ENKUR: variants seen among roughly 807,000 people sequenced by gnomAD.
ENKUR encodes the protein enkurin.
Under a neutral mutation model 27.6 loss-of-function variants are expected in ENKUR, and 19 were observed. The ratio of observed to expected loss-of-function variants is 0.69; its 90% CI spans 0.48 to 1.01. The LOEUF (loss-of-function observed/expected upper bound fraction) is 1.01, where lower values mean the gene tolerates loss of function less well. Ranked by LOEUF, ENKUR falls within the 50% of genes least tolerant of loss-of-function variation. The pLI, the probability that ENKUR is intolerant of heterozygous loss-of-function variation, is 0.00. For synonymous variants in ENKUR, 117 were observed against 96.9 expected, an observed-to-expected ratio of 1.21 and a Z score of -1.22; for missense variants, 312 against 310.5, an observed-to-expected ratio of 1.00 and a Z score of -0.04.
upstream of ENKUR, chr10:25,016,853 C>T (rs1011446326): frequency 9.2e-5 from 14 of 152,682 alleles, no homozygotes; most frequent in Non-Finnish European, 2.0e-4. Flanking sequence ...GCATGCCTTT[C>T]CCCGTACCGT....
chr10:25,007,557 C>A (rs887903380), intron 1 of ENKUR, among the ~76,000 whole-genome samples: 2 of 152,302 alleles, frequency 1.3e-5, no homozygotes, highest in South Asian at 2.1e-4. Flanking sequence ...GCCTCAGCCT[C>A]CAGAGTAGCT....
chr10:24,993,636 A>T (rs1340819036), intron 3 of ENKUR, among the ~76,000 whole-genome samples: 1 of 152,238 alleles, frequency 6.6e-6, no homozygotes, highest in Non-Finnish European at 1.5e-5. Flanking sequence ...AGATCTTTAA[A>T]ACTTAACTCT....
chr10:25,007,316 A>G (rs1236872080), intron 1 of ENKUR, among the ~76,000 whole-genome samples: 4 of 152,304 alleles, frequency 2.6e-5, no homozygotes, highest in Non-Finnish European at 2.9e-5. Flanking sequence ...TTTAAGGAGT[A>G]TTGTTGTCAT....
At chr10:25,024,632 C>T (rs764730530) in intron 2 of ENKUR, 1 of 1,614,236 alleles carries the variant, frequency 6.2e-7, no homozygotes. Context: ...TCGGCTAACT[C>T]CATAAACTGG....
intron 2 of ENKUR, chr10:25,025,697 C>G: frequency 2.2e-6 from 1 of 464,944 alleles, no homozygotes; most frequent in Non-Finnish European, 3.9e-6. Context: ...CTTTTGCCTT[C>G]TGCTCATGAG....
intron 3 of ENKUR, 43 bp downstream of exon 3, chr10:24,995,603 T>G: frequency 6.7e-7 from 1 of 1,493,772 alleles, no homozygotes. Context: ...CATATTTAAA[T>G]TATTTGAATT....
At chr10:25,027,376 A>AAC (rs1850875463) in intron 2 of ENKUR, among the ~76,000 whole-genome samples, 1 of 145,898 alleles carries the variant, frequency 6.9e-6, no homozygotes, top group Admixed American at 6.9e-5. Context: ...AAAAAAAAAA[A>AAC]AAAAAAAAAA....
At chr10:25,016,408 G>C (rs1011008583), upstream of ENKUR, among the ~76,000 whole-genome samples, 3 of 152,244 alleles carry the variant, frequency 2.0e-5, no homozygotes, top group Admixed American at 6.5e-5. Context: ...CGCAGCTGGT[G>C]CGCAGGCGTC....
chr10:25,014,468 G>C (rs1850520354), intron 1 of ENKUR, among the ~76,000 whole-genome samples: 1 of 151,684 alleles, frequency 6.6e-6, no homozygotes, highest in Admixed American at 6.6e-5. Flanking sequence ...ACATAATAGG[G>C]GCTCCATTAA....
At chr10:25,031,167 A>G (rs1434629953) in intron 2 of ENKUR, among the ~76,000 whole-genome samples, 1 of 152,206 alleles carries the variant, frequency 6.6e-6, no homozygotes, top group Non-Finnish European at 1.5e-5. Flanking sequence ...GATACCTCCC[A>G]AACCTTATGT....
At chr10:25,041,890 A>C (rs552964883) in intron 2 of ENKUR, among the ~76,000 whole-genome samples, 9 of 152,338 alleles carry the variant, frequency 5.9e-5, no homozygotes, top group Non-Finnish European at 1.0e-4. Flanking sequence ...TTCAGATTAA[A>C]GGAAACAAAA....
intron 1 of ENKUR, among the ~76,000 whole-genome samples, chr10:25,001,592 C>A (rs544430739): frequency 1.3e-5 from 2 of 151,940 alleles, no homozygotes; most frequent in South Asian, 2.1e-4. Context: ...TTGCATTGTT[C>A]TATTACTGTG....
At chr10:24,988,223 CA>C (rs1209382968) in intron 4 of ENKUR, among the ~76,000 whole-genome samples, 2 of 128,588 alleles carry the variant, frequency 1.6e-5, no homozygotes, top group Non-Finnish European at 1.6e-5. Flanking sequence ...GACTTCATCT[CA>C]AAAAAAAATG....
chr10:25,057,736 A>C (rs902800144), intron 2 of ENKUR, among the ~76,000 whole-genome samples: 3 of 152,064 alleles, frequency 2.0e-5, no homozygotes, highest in Non-Finnish European at 4.4e-5. Context: ...GCTGAATTTT[A>C]GTTTCCCCTT....
intron 2 of ENKUR, chr10:25,024,624 G>A (rs759747249): frequency 8.1e-6 from 13 of 1,614,126 alleles, no homozygotes; most frequent in South Asian, 6.6e-5. Flanking sequence ...TCTTAAGTTC[G>A]GCTAACTCCA....
chr10:25,040,998 T>C (rs906481529), intron 2 of ENKUR, among the ~76,000 whole-genome samples: 1 of 152,220 alleles, frequency 6.6e-6, no homozygotes, highest in Non-Finnish European at 1.5e-5. Context: ...AGTATTTATA[T>C]AGGTACACAA....
chr10:25,033,729 T>C (rs1180486401), intron 2 of ENKUR, among the ~76,000 whole-genome samples: 1 of 152,128 alleles, frequency 6.6e-6, no homozygotes, highest in East Asian at 1.9e-4. Flanking sequence ...ACAGTGAAAG[T>C]GCAACATAAA....
intron 2 of ENKUR, chr10:25,025,419 T>A (rs766710226): frequency 1.2e-6 from 2 of 1,610,934 alleles, no homozygotes; most frequent in Non-Finnish European, 1.7e-6. Context: ...TCTTGAAGAG[T>A]CATGTGGAAC....
intron 2 of ENKUR, chr10:25,061,069 T>A (rs961705802): frequency 5.2e-6 from 8 of 1,530,516 alleles, no homozygotes; most frequent in African/African-American, 1.4e-5. Context: ...TTAGGCTGGC[T>A]GCCCAGATGC....
Sources: allele counts gnomAD v4.1 joint callset (sites outside exome capture counted in the v4.1 genomes callset), GRCh38; gene constraint gnomAD v4.1.1; transcripts MANE v1.5; gene names NCBI Gene and HGNC (gene_info 2026-07-23, HGNC 2026-07-21).